PLEKHH2: variants seen among roughly 807,000 people sequenced by gnomAD.
The protein encoded by PLEKHH2 is pleckstrin homology, MyTH4 and FERM domain containing H2, also known as pleckstrin homology domain-containing family H member 2.
In PLEKHH2, 129 loss-of-function variants were observed where a neutral mutation model predicts 187.9. The observed-to-expected ratio is 0.69, with a 90% CI of 0.59 to 0.79. The LOEUF is 0.79. Among genes scored for constraint, PLEKHH2 ranks in the 30% least tolerant of loss-of-function variants. The pLI is 0.00. For synonymous variants in PLEKHH2, 686 were observed against 605.6 expected (o/e 1.13, Z -1.95); for missense variants, 2,076 against 1,751.2 (o/e 1.19, Z -3.31).
chr2:43,638,742 C>G lies in PLEKHH2; in HGVS notation c.-4+1363C>G, dbSNP rs76705043. ...ACATTAGTGGTAATGAAAAGGATGG[C>G]GGATATTGTTTAAAATTAGAATTTT... On this transcript the variant is annotated intron_variant, in intron 1 of 29. Transcript: ENST00000282406. 4.9e-3 allele frequency among the ~76,000 whole-genome samples: 752 copies of G among 152,070 alleles called. 8 individuals are homozygous for G. The highest frequency in any genetic ancestry group is 0.017 in the African/African-American group (719 of 41,462).
chr2:43,687,280 A>T (rs1445016730), intron 3 of PLEKHH2, among the ~76,000 whole-genome samples: 2 of 152,198 alleles, frequency 1.3e-5, no homozygotes, highest in Admixed American at 6.5e-5. Context: ...TTCTCTTAGG[A>T]TAATGACCTC....
intron 15 of PLEKHH2, among the ~76,000 whole-genome samples, chr2:43,714,495 C>T (rs555330641): frequency 4.7e-4 from 72 of 152,260 alleles, no homozygotes; most frequent in African/African-American, 1.7e-3. Flanking sequence ...CACATTCAGG[C>T]TGCAATATGA....
intron 1 of PLEKHH2, among the ~76,000 whole-genome samples, chr2:43,642,033 G>C (rs1306716353): frequency 1.3e-5 from 2 of 152,186 alleles, no homozygotes; most frequent in Non-Finnish European, 2.9e-5. Flanking sequence ...AACTTTGATA[G>C]AGATTGCATT....
chr2:43,721,819 G>A (rs1670494893), intron 16 of PLEKHH2, among the ~76,000 whole-genome samples: 1 of 152,180 alleles, frequency 6.6e-6, no homozygotes, highest in Non-Finnish European at 1.5e-5. Flanking sequence ...CCAGAAGGTG[G>A]AGGTTACAGT....
intron 2 of PLEKHH2, chr2:43,676,419 TG>T: frequency 1.1e-6 from 1 of 943,870 alleles, no homozygotes. Flanking sequence ...CGCTCCCGGT[TG>T]GGCCACTCTA....
intron 2 of PLEKHH2, among the ~76,000 whole-genome samples, chr2:43,659,155 A>ATTTTTTTTTTTTTT (rs997122089): frequency 2.1e-5 from 3 of 142,788 alleles, no homozygotes; most frequent in African/African-American, 8.6e-5. Flanking sequence ...GTATATATAT[A>ATTTTTTTTTTTTTT]TTTTTTTCTT....
chr2:43,758,960 C>G lies in PLEKHH2; in HGVS notation c.4002C>G (p.Asp1334Glu), dbSNP rs367715567. The change falls in exon 27 of 30, where the codon GAC (aspartate) becomes GAG (glutamate). Residue 1334 changes from aspartate (D) to glutamate (E), a missense_variant. Asp to Glu is a conservative substitution (Grantham distance 45). Transcript: ENST00000282406. ...WMALRGHSAA[D>E]CVRIYLTVAR... The stretch of plus-strand genomic sequence containing the variant: ...CCCTCCGGGGACACAGTGCTGCTGA[C>G]TGTGTGCGCATTTATTTGACAGTAG... 2.7e-5 allele frequency: 43 copies of G among 1,612,308 alleles called. No individual in the cohort carries two copies. The highest frequency in any genetic ancestry group is 3.6e-5 in the Non-Finnish European group (42 of 1,178,498).
At chr2:43,696,724 C>T (rs1465992427) in intron 6 of PLEKHH2, among the ~76,000 whole-genome samples, 4 of 152,102 alleles carry the variant, frequency 2.6e-5, no homozygotes, top group Non-Finnish European at 5.9e-5. Context: ...ATGGTTGCCC[C>T]AAGGATGATC....
intron 19 of PLEKHH2, among the ~76,000 whole-genome samples, chr2:43,733,666 T>C (rs1036324702): frequency 1.3e-5 from 2 of 152,216 alleles, no homozygotes; most frequent in Non-Finnish European, 2.9e-5. Flanking sequence ...GCCTGAAGTA[T>C]TTATTGGTAA....
At chr2:43,757,356 T>C in intron 26 of PLEKHH2, 92 bp downstream of exon 26, 1 of 1,045,110 alleles carries the variant, frequency 9.6e-7, no homozygotes, top group Non-Finnish European at 1.3e-6. Flanking sequence ...GAAAAACATT[T>C]GGACAGCTTT....
In PLEKHH2 at chr2:43,759,824, T is replaced by C. The variant is rs76487705; in HGVS notation, c.4071+795T>C. Among the ~76,000 whole-genome samples the C allele has an allele frequency of 7.4e-3, 1,126 of 152,358 alleles. 15 individuals are homozygous for C. The highest frequency in any genetic ancestry group is 0.025 in the African/African-American group (1,059 of 41,590). On this transcript the variant is annotated intron_variant, in intron 27 of 29. Coordinates refer to ENST00000282406, the MANE Select transcript of PLEKHH2 (RefSeq NM_172069.4). The stretch of plus-strand genomic sequence containing the variant: ...CTTAATAAATATTGCTGAATAGCTG[T>C]GCAACTTTGGGCAAGTCAGGTTACC...
intron 2 of PLEKHH2, among the ~76,000 whole-genome samples, chr2:43,651,664 C>A (rs1368265779): frequency 2.6e-5 from 4 of 151,924 alleles, no homozygotes; most frequent in Non-Finnish European, 5.9e-5. Context: ...ACCTGTGGTT[C>A]AACTAAAAGG....
At chr2:43,740,495 T>C (rs1162177529) in intron 20 of PLEKHH2, among the ~76,000 whole-genome samples, 2 of 152,230 alleles carry the variant, frequency 1.3e-5, no homozygotes, top group East Asian at 3.8e-4. Context: ...TTAATATTTT[T>C]ATACTTGTCC....
intron 24 of PLEKHH2, among the ~76,000 whole-genome samples, chr2:43,752,364 C>G (rs923333663): frequency 2.0e-5 from 3 of 151,962 alleles, no homozygotes; most frequent in Admixed American, 6.6e-5. Context: ...TAGGATTTTT[C>G]TGATTTGTAA....
intron 14 of PLEKHH2, 88 bp from the exon 15 acceptor site, chr2:43,712,137 T>G: frequency 6.7e-7 from 1 of 1,488,108 alleles, no homozygotes. Context: ...CTGTGTTAAG[T>G]AATGACGTTT....
intron 21 of PLEKHH2, among the ~76,000 whole-genome samples, chr2:43,741,820 C>T (rs1671577684): frequency 6.6e-6 from 1 of 152,092 alleles, no homozygotes; most frequent in Admixed American, 6.5e-5. Flanking sequence ...ACATATTTGA[C>T]AGGTGTTATC....
At chr2:43,660,304 T>A (rs1043242319) in intron 2 of PLEKHH2, among the ~76,000 whole-genome samples, 9 of 152,176 alleles carry the variant, frequency 5.9e-5, no homozygotes, top group Middle Eastern at 3.2e-3. Context: ...TTGGGTTGTT[T>A]CCAGTTTTGG....
chr2:43,753,789 A>G (rs1672097567), intron 25 of PLEKHH2, 29 bp downstream of exon 25: 4 of 1,447,736 alleles, frequency 2.8e-6, no homozygotes, highest in South Asian at 1.5e-5. Context: ...GGAGTAATAT[A>G]TTGAAATAAT....
chr2:43,734,762 AAAGT>A (rs1671208625), intron 19 of PLEKHH2, among the ~76,000 whole-genome samples: 1 of 152,336 alleles, frequency 6.6e-6, no homozygotes, highest in Middle Eastern at 3.4e-3. Flanking sequence ...TATCCAAATG[AAAGT>A]AAGTCAGTAT....
Sources: gnomAD v4.1 joint callset for allele counts (sites outside exome capture counted in the v4.1 genomes callset) on GRCh38, gnomAD v4.1.1 for gene constraint, MANE v1.5 for transcripts, NCBI Gene and HGNC (gene_info 2026-07-23, HGNC 2026-07-21) for gene names.